The following PTPRD variants were observed in gnomAD, a reference collection of about 807,000 sequenced individuals.
The protein encoded by PTPRD is receptor-type tyrosine-protein phosphatase delta.
PTPRD carries 34 observed loss-of-function variants against 214.5 expected under a neutral mutation model. The observed-to-expected ratio is 0.16, with a 90% CI of 0.12 to 0.21. The LOEUF (loss-of-function observed/expected upper bound fraction) is 0.21. Among genes scored for constraint, PTPRD ranks in the 10% least tolerant of loss-of-function variants. The pLI is 1.00. For synonymous variants in PTPRD, 1,128 were observed against 845.7 expected, an observed-to-expected ratio of 1.33 and a Z score of -5.79; for missense variants, 2,545 against 2,398.7, an observed-to-expected ratio of 1.06 and a Z score of -1.27.
intron 12 of PTPRD, among the ~76,000 whole-genome samples, chr9:8,656,214 G>A (rs557247447): frequency 6.6e-6 from 1 of 152,126 alleles, no homozygotes; most frequent in Non-Finnish European, 1.5e-5. Context: ...TAAGGCCTGG[G>A]AATTTGTGTC....
intron 2 of PTPRD, among the ~76,000 whole-genome samples, chr9:10,396,131 A>G (rs745425389): frequency 6.6e-6 from 1 of 151,818 alleles, no homozygotes; most frequent in Non-Finnish European, 1.5e-5. Flanking sequence ...TCAGATTGTT[A>G]TACCTCCTCA....
intron 11 of PTPRD, among the ~76,000 whole-genome samples, chr9:8,803,525 T>C (rs964413083): frequency 6.6e-6 from 1 of 152,056 alleles, no homozygotes; most frequent in Non-Finnish European, 1.5e-5. Context: ...ATTTATATTA[T>C]AAAAATTATA....
chr9:8,837,104 C>T (rs1601456416), intron 11 of PTPRD, among the ~76,000 whole-genome samples: 1 of 150,780 alleles, frequency 6.6e-6, no homozygotes. Context: ...CCGCTCACTC[C>T]AACCTCCGCC....
intron 37 of PTPRD, among the ~76,000 whole-genome samples, chr9:8,380,606 T>C (rs1172254995): frequency 6.6e-6 from 1 of 152,220 alleles, no homozygotes; most frequent in Non-Finnish European, 1.5e-5. Flanking sequence ...ATTTATGCAA[T>C]GGAATTAATT....
At chr9:10,097,373 T>C (rs1221834969) in intron 3 of PTPRD, among the ~76,000 whole-genome samples, 3 of 140,008 alleles carry the variant, frequency 2.1e-5, no homozygotes, top group Non-Finnish European at 4.6e-5. Flanking sequence ...CCCATGAGCA[T>C]GGAATGTTCT....
intron 5 of PTPRD, among the ~76,000 whole-genome samples, chr9:9,920,432 A>T (rs1332092417): frequency 2.0e-5 from 3 of 152,124 alleles, no homozygotes; most frequent in Non-Finnish European, 4.4e-5. Flanking sequence ...ATGTTGAAAA[A>T]CATAATAAGG....
chr9:8,503,770 C>G (rs1444682328), intron 23 of PTPRD, among the ~76,000 whole-genome samples: 1 of 152,156 alleles, frequency 6.6e-6, no homozygotes, highest in Non-Finnish European at 1.5e-5. Flanking sequence ...TAATAAGAAA[C>G]AAGTCATCAG....
At chr9:10,143,559 G>A (rs990439570) in intron 3 of PTPRD, among the ~76,000 whole-genome samples, 3 of 145,992 alleles carry the variant, frequency 2.1e-5, no homozygotes, top group South Asian at 2.4e-4. Context: ...CCATTACTGG[G>A]TATATACATA....
At chr9:10,556,667 T>C (rs998311106) in intron 2 of PTPRD, among the ~76,000 whole-genome samples, 9 of 152,020 alleles carry the variant, frequency 5.9e-5, no homozygotes, top group Admixed American at 5.9e-4. Context: ...GACAATTATT[T>C]TTACAAGATC....
At chr9:9,103,454 A>G (rs2099794098) in intron 10 of PTPRD, among the ~76,000 whole-genome samples, 1 of 152,222 alleles carries the variant, frequency 6.6e-6, no homozygotes, top group Non-Finnish European at 1.5e-5. Context: ...AATGTGGAAT[A>G]AACAAGTAAA....
chr9:10,437,640 T>C (rs896571904), intron 2 of PTPRD, among the ~76,000 whole-genome samples: 4 of 151,698 alleles, frequency 2.6e-5, no homozygotes, highest in African/African-American at 4.8e-5. Flanking sequence ...TCTCTACTTT[T>C]TAATATCTGT....
In PTPRD at chr9:9,269,003, A is replaced by G. The variant is rs934227018; in HGVS notation, c.-202-85640T>C. Reference sequence around the variant, plus strand: ...ACAGGCAAAAAAAAAACCAAAAATAAACAACTGGAAACACATCAAGCTGAA... The same window carrying G: ...ACAGGCAAAAAAAAAACCAAAAATAGACAACTGGAAACACATCAAGCTGAA... On this transcript the variant is annotated intron_variant, in intron 9 of 45. Transcript: ENST00000381196. Among the ~76,000 whole-genome samples, 3 of 151,058 alleles carry G rather than the reference A, an allele frequency of 2.0e-5. No individual in the cohort carries two copies. In the East Asian group the frequency reaches 5.9e-4, roughly 30 times the overall value.
intron 39 of PTPRD, among the ~76,000 whole-genome samples, chr9:8,371,135 G>C (rs1246581548): frequency 1.3e-5 from 2 of 151,960 alleles, no homozygotes; most frequent in Non-Finnish European, 2.9e-5. Context: ...GAAATGTAGA[G>C]TGGTAGAAAA....
At chr9:8,709,996 A>C (rs1565463186) in intron 12 of PTPRD, among the ~76,000 whole-genome samples, 1 of 152,296 alleles carries the variant, frequency 6.6e-6, no homozygotes, top group South Asian at 2.1e-4. Context: ...CTACGGACAA[A>C]TTACTTAACC....
At chr9:9,409,200 T>A (rs1171520974) in intron 8 of PTPRD, among the ~76,000 whole-genome samples, 1 of 152,114 alleles carries the variant, frequency 6.6e-6, no homozygotes, top group Non-Finnish European at 1.5e-5. Context: ...AATATTTTTA[T>A]AAAGTCAGGG....
intron 12 of PTPRD, among the ~76,000 whole-genome samples, chr9:8,642,402 T>G (rs1055125691): frequency 2.6e-5 from 4 of 152,188 alleles, no homozygotes; most frequent in African/African-American, 7.2e-5. Context: ...ACAATGTACT[T>G]AAAATTTTTA....
chr9:9,008,952 C>G (rs2099495427), intron 11 of PTPRD, among the ~76,000 whole-genome samples: 1 of 152,046 alleles, frequency 6.6e-6, no homozygotes, highest in African/African-American at 2.4e-5. Flanking sequence ...AGGGGAAAAT[C>G]TGATATCATA....
intron 9 of PTPRD, among the ~76,000 whole-genome samples, chr9:9,331,856 T>C (rs1370731942): frequency 6.6e-6 from 1 of 152,014 alleles, no homozygotes; most frequent in African/African-American, 2.4e-5. Flanking sequence ...ATGTTAGACA[T>C]GCATACTAAT....
At chr9:10,099,280 C>G (rs1230643057) in intron 3 of PTPRD, among the ~76,000 whole-genome samples, 1 of 151,658 alleles carries the variant, frequency 6.6e-6, no homozygotes, top group Non-Finnish European at 1.5e-5. Context: ...AATTACCTAA[C>G]CTCTCTATGA....
Sources: gnomAD v4.1 joint callset for allele counts (sites outside exome capture counted in the v4.1 genomes callset) on GRCh38, gnomAD v4.1.1 for gene constraint, MANE v1.5 for transcripts, NCBI Gene and HGNC (gene_info 2026-07-23, HGNC 2026-07-21) for gene names.